The following GRM5 variants were observed in gnomAD, a reference collection of about 807,000 sequenced individuals.
The protein encoded by GRM5 is metabotropic glutamate receptor 5.
Under a neutral mutation model 83.1 loss-of-function variants are expected in GRM5, and 19 were observed. The ratio of observed to expected loss-of-function variants is 0.23; its 90% CI spans 0.16 to 0.34. GRM5 has a LOEUF of 0.34. GRM5 is among the 10% of genes least tolerant of loss of function. The pLI, the probability that GRM5 is intolerant of heterozygous loss-of-function variation, is 1.00. For missense variants in GRM5, 1,160 were observed against 1,588.3 expected, an observed-to-expected ratio of 0.73 and a Z score of 4.58; for synonymous variants, 675 against 633.6, an observed-to-expected ratio of 1.07 and a Z score of -0.98.
chr11:88,551,902 A>G (rs1377304272), intron 8 of GRM5, among the ~76,000 whole-genome samples: 1 of 152,202 alleles, frequency 6.6e-6, no homozygotes, highest in Non-Finnish European at 1.5e-5. Context: ...TTTCACTGTC[A>G]AAAGTGACTG....
At chr11:88,811,029 A>C (rs1363146472) in intron 3 of GRM5, among the ~76,000 whole-genome samples, 3 of 152,156 alleles carry the variant, frequency 2.0e-5, no homozygotes, top group Admixed American at 2.0e-4. Context: ...AGTTTTGGGC[A>C]AAGATTATCT....
intron 5 of GRM5, among the ~76,000 whole-genome samples, chr11:88,603,432 T>C (rs1938054755): frequency 6.6e-6 from 1 of 152,228 alleles, no homozygotes; most frequent in Non-Finnish European, 1.5e-5. Context: ...GGCCTTGACC[T>C]GAGCCTAAAG....
At chr11:88,764,257 G>A (rs982380523) in intron 3 of GRM5, among the ~76,000 whole-genome samples, 5 of 151,342 alleles carry the variant, frequency 3.3e-5, no homozygotes, top group East Asian at 1.9e-4. Flanking sequence ...CTATCATAAC[G>A]GTTGCAGACT....
chr11:88,556,327 T>TTCTTTC (rs1204340199), intron 8 of GRM5, among the ~76,000 whole-genome samples: 3 of 148,146 alleles, frequency 2.0e-5, no homozygotes, highest in African/African-American at 5.0e-5. Context: ...TTCTTTTCTT[T>TTCTTTC]TTTTTTTTTT....
At chr11:88,900,808 A>G (rs1397520108) in intron 2 of GRM5, among the ~76,000 whole-genome samples, 4 of 152,190 alleles carry the variant, frequency 2.6e-5, no homozygotes, top group African/African-American at 7.2e-5. Context: ...AGAGGTAAGC[A>G]TCTGTCCCGC....
At chr11:88,762,684 T>C (rs1328315134) in intron 3 of GRM5, among the ~76,000 whole-genome samples, 1 of 152,004 alleles carries the variant, frequency 6.6e-6, no homozygotes, top group Admixed American at 6.6e-5. Flanking sequence ...ACTTGGTATA[T>C]ATTCAAATGA....
chr11:89,025,260 C>G (rs1398444243), intron 2 of GRM5, among the ~76,000 whole-genome samples: 3 of 152,188 alleles, frequency 2.0e-5, no homozygotes, highest in African/African-American at 7.2e-5. Context: ...ACTGGATCTG[C>G]CCTGGTGGCT....
At chr11:88,751,090 A>T (rs530871036) in intron 3 of GRM5, among the ~76,000 whole-genome samples, 1,698 of 140,446 alleles carry the variant, frequency 0.012, 28 homozygotes, top group Non-Finnish European at 0.019. Flanking sequence ...AAAAAAAAAA[A>T]AAAAACAAAG....
At chr11:88,668,297 GCACACACACACACA>G (rs72052705) in intron 3 of GRM5, among the ~76,000 whole-genome samples, 62 of 130,032 alleles carry the variant, frequency 4.8e-4, no homozygotes, top group African/African-American at 1.6e-3. Context: ...CCAGAAACTC[GCACACACACACACA>G]CACACACACA....
chr11:89,026,093 T>C (rs1439218038), intron 2 of GRM5, among the ~76,000 whole-genome samples: 3 of 152,132 alleles, frequency 2.0e-5, no homozygotes, highest in Non-Finnish European at 2.9e-5. Context: ...TTCTCACTTG[T>C]AAGGATGAGC....
chr11:88,737,780 C>G (rs1157706982), intron 3 of GRM5, among the ~76,000 whole-genome samples: 1 of 152,040 alleles, frequency 6.6e-6, no homozygotes, highest in Non-Finnish European at 1.5e-5. Context: ...TCACATCTAT[C>G]TATACTACAA....
chr11:88,621,961 A>G (rs1029541941), intron 4 of GRM5, among the ~76,000 whole-genome samples: 1 of 152,206 alleles, frequency 6.6e-6, no homozygotes, highest in African/African-American at 2.4e-5. Flanking sequence ...AAGTAGATCT[A>G]TATAAAATGA....
At chr11:88,635,784 A>G (rs958171425) in intron 4 of GRM5, among the ~76,000 whole-genome samples, 1 of 152,140 alleles carries the variant, frequency 6.6e-6, no homozygotes, top group African/African-American at 2.4e-5. Flanking sequence ...AAGATTTTCC[A>G]TATGTTTTCT....
At chr11:89,019,221 T>C (rs552221804) in intron 2 of GRM5, among the ~76,000 whole-genome samples, 4 of 152,152 alleles carry the variant, frequency 2.6e-5, no homozygotes, top group Non-Finnish European at 5.9e-5. Context: ...GTTGTATGTT[T>C]TGGGGAGGAA....
At chr11:88,770,897 A>G (rs181005069) in intron 3 of GRM5, among the ~76,000 whole-genome samples, 1 of 152,268 alleles carries the variant, frequency 6.6e-6, no homozygotes, top group Non-Finnish European at 1.5e-5. Flanking sequence ...ACTTAGCGTC[A>G]GAATGGATTC....
intron 2 of GRM5, among the ~76,000 whole-genome samples, chr11:88,934,547 G>A (rs1398413854): frequency 6.6e-6 from 1 of 151,796 alleles, no homozygotes; most frequent in East Asian, 1.9e-4. Flanking sequence ...ACATGGTGAG[G>A]TAGAAGCACG....
At chr11:88,715,098 C>G (rs544055268) in intron 3 of GRM5, among the ~76,000 whole-genome samples, 1 of 151,978 alleles carries the variant, frequency 6.6e-6, no homozygotes, top group East Asian at 1.9e-4. Flanking sequence ...TCATAAAAAT[C>G]CTCTGAAATA....
At chr11:88,808,987 T>G (rs1024765841) in intron 3 of GRM5, among the ~76,000 whole-genome samples, 1 of 152,058 alleles carries the variant, frequency 6.6e-6, no homozygotes, top group Non-Finnish European at 1.5e-5. Flanking sequence ...ATAGACAGAA[T>G]CTAACAATCC....
intron 2 of GRM5, among the ~76,000 whole-genome samples, chr11:88,941,489 GGGGAGAGGAGGGGAGAGGA>G (rs1938099469): frequency 9.5e-6 from 1 of 105,292 alleles, no homozygotes; most frequent in East Asian, 3.1e-4. Context: ...GGGGAGAGGA[GGGGAGAGGAGGGGAGAGGA>G]GGGGAGAGGA....
Sources: allele counts gnomAD v4.1 joint callset (sites outside exome capture counted in the v4.1 genomes callset), GRCh38; gene constraint gnomAD v4.1.1; transcripts MANE v1.5; gene names NCBI Gene and HGNC (gene_info 2026-07-23, HGNC 2026-07-21).